Variants in SLIT3 observed in about 807,000 individuals in gnomAD.
The protein encoded by SLIT3 is slit homolog 3 protein.
A neutral mutation model predicts 184.0 loss-of-function variants in SLIT3; 68 were observed. That is an observed-to-expected ratio of 0.37 (90% confidence interval 0.30 to 0.45). The LOEUF is 0.45. Ranked by LOEUF, SLIT3 falls within the 20% of genes least tolerant of loss-of-function variation. The pLI, the probability that SLIT3 is intolerant of heterozygous loss-of-function variation, is 1.00. For missense variants in SLIT3, 1,707 were observed against 2,026.0 expected (o/e 0.84, Z 3.02); for synonymous variants, 831 against 828.6 (o/e 1.00, Z -0.05).
rs561127369 is a variant in SLIT3 at position 169,081,450 on chromosome 5, A to G, written c.413+112029T>C. ...CCATGCCCTGGGGTTTCAGCAGGAA[A>G]CTCCTGGCCATTTTGCTGACAAGGG... On this transcript the variant is annotated intron_variant, in intron 4 of 35. Coordinates refer to ENST00000519560, the MANE Select transcript of SLIT3 (RefSeq NM_003062.4). Among the ~76,000 whole-genome samples the G allele has an allele frequency of 8.6e-5, 13 of 151,824 alleles. No individual in the cohort carries two copies. In the South Asian group the frequency reaches 2.7e-3, roughly 32 times the overall value.
intron 23 of SLIT3, 46 bp downstream of exon 23, chr5:168,722,210 T>C (rs1190508614): frequency 6.5e-7 from 1 of 1,550,116 alleles, no homozygotes; most frequent in East Asian, 2.2e-5. Context: ...CTTCCTGCTG[T>C]CACTCAGCAA....
At chr5:169,166,532 T>C (rs913792484) in intron 4 of SLIT3, among the ~76,000 whole-genome samples, 2 of 151,380 alleles carry the variant, frequency 1.3e-5, no homozygotes, top group Middle Eastern at 3.2e-3. Flanking sequence ...TCAAGTCACT[T>C]CACCTCTCCT....
intron 4 of SLIT3, among the ~76,000 whole-genome samples, chr5:169,064,089 A>G (rs1758267523): frequency 6.6e-6 from 1 of 152,220 alleles, no homozygotes; most frequent in African/African-American, 2.4e-5. Context: ...AGCCCATTAC[A>G]AATGAACACC....
At chr5:168,961,863 T>G (rs1019744333) in intron 4 of SLIT3, among the ~76,000 whole-genome samples, 1 of 150,408 alleles carries the variant, frequency 6.6e-6, no homozygotes, top group African/African-American at 2.4e-5. Context: ...CACGCATGTG[T>G]GTGTGTGTGT....
At chr5:169,218,511 A>T (rs1764518259) in intron 3 of SLIT3, among the ~76,000 whole-genome samples, 1 of 152,182 alleles carries the variant, frequency 6.6e-6, no homozygotes, top group Non-Finnish European at 1.5e-5. Flanking sequence ...TCACAACCAC[A>T]TCTCCAGGTG....
chr5:169,202,286 T>G (rs1763925823), intron 3 of SLIT3, among the ~76,000 whole-genome samples: 1 of 152,182 alleles, frequency 6.6e-6, no homozygotes, highest in African/African-American at 2.4e-5. Flanking sequence ...TGTCCATCTA[T>G]CCATCCTTCC....
At chr5:169,211,575 A>G (rs1313455633) in intron 3 of SLIT3, among the ~76,000 whole-genome samples, 2 of 152,102 alleles carry the variant, frequency 1.3e-5, no homozygotes, top group Non-Finnish European at 2.9e-5. Flanking sequence ...CCTGGAACAC[A>G]TTAGGGTGCA....
chr5:168,830,510 G>A (rs1757846867), intron 6 of SLIT3, among the ~76,000 whole-genome samples: 1 of 152,228 alleles, frequency 6.6e-6, no homozygotes. Flanking sequence ...AGCTAGACTA[G>A]TCAAGGATAT....
chr5:169,200,677 C>T (rs1485572702), intron 3 of SLIT3, among the ~76,000 whole-genome samples: 1 of 152,212 alleles, frequency 6.6e-6, no homozygotes, highest in East Asian at 1.9e-4. Flanking sequence ...AACTTGAACT[C>T]TGGAGAGTCA....
chr5:169,255,446 A>G (rs1384347706), intron 1 of SLIT3, among the ~76,000 whole-genome samples: 1 of 152,206 alleles, frequency 6.6e-6, no homozygotes, highest in Non-Finnish European at 1.5e-5. Context: ...CTTGTGTCTT[A>G]GTTTTTAATA....
chr5:168,963,157 C>T (rs769118799), intron 4 of SLIT3, among the ~76,000 whole-genome samples: 2 of 152,304 alleles, frequency 1.3e-5, no homozygotes, highest in Middle Eastern at 3.4e-3. Context: ...TACTGGAATG[C>T]AGTCACTCAT....
chr5:168,760,740 G>A, intron 16 of SLIT3, 122 bp downstream of exon 16: 2 of 713,314 alleles, frequency 2.8e-6, no homozygotes, highest in Non-Finnish European at 5.0e-6. Flanking sequence ...GGGCTGAGGA[G>A]AAGGCTGGGA....
chr5:169,025,310 C>A (rs890555778), intron 4 of SLIT3, among the ~76,000 whole-genome samples: 21 of 152,146 alleles, frequency 1.4e-4, no homozygotes, highest in African/African-American at 4.8e-4. Flanking sequence ...AACTTAGACT[C>A]CAGAGTTCCC....
At chr5:168,858,778 G>A (rs564194389) in intron 5 of SLIT3, among the ~76,000 whole-genome samples, 6 of 152,302 alleles carry the variant, frequency 3.9e-5, no homozygotes, top group Admixed American at 2.6e-4. Flanking sequence ...CAAAGGTTTC[G>A]ATTTTCCATC....
intron 4 of SLIT3, among the ~76,000 whole-genome samples, chr5:168,921,440 C>T (rs1007242656): frequency 1.3e-5 from 2 of 152,156 alleles, no homozygotes; most frequent in Non-Finnish European, 2.9e-5. Flanking sequence ...TTTTACAAGC[C>T]TCTCAAAGCT....
intron 4 of SLIT3, among the ~76,000 whole-genome samples, chr5:168,971,536 C>T (rs7724207): frequency 0.29 from 43,641 of 152,136 alleles, 6,393 homozygotes; most frequent in East Asian, 0.39. Context: ...AATCCCGAAA[C>T]AGACTTCATA....
intron 4 of SLIT3, among the ~76,000 whole-genome samples, chr5:169,151,384 C>A (rs1378439141): frequency 5.9e-5 from 9 of 152,140 alleles, no homozygotes; most frequent in East Asian, 1.9e-4. Flanking sequence ...AGTACCACTG[C>A]GACTGGGTTC....
chr5:168,752,917 T>C (rs10039601), intron 18 of SLIT3, 38 bp downstream of exon 18: 389,030 of 1,602,278 alleles, frequency 0.24, 49,756 homozygotes, highest in African/African-American at 0.43. Flanking sequence ...CAGAGTGGGA[T>C]CCCAGAGTCC....
At chr5:168,696,983 C>G (rs1455339372) in intron 27 of SLIT3, among the ~76,000 whole-genome samples, 1 of 152,162 alleles carries the variant, frequency 6.6e-6, no homozygotes, top group Admixed American at 6.5e-5. Context: ...TTGATACATT[C>G]TAGCTACTTG....
Sources: gnomAD v4.1 joint callset for allele counts (sites outside exome capture counted in the v4.1 genomes callset) on GRCh38, gnomAD v4.1.1 for gene constraint, MANE v1.5 for transcripts, NCBI Gene and HGNC (gene_info 2026-07-23, HGNC 2026-07-21) for gene names.